The following ARHGEF10L variants were observed in gnomAD, a reference collection of about 807,000 sequenced individuals.
The protein encoded by ARHGEF10L is Rho guanine nucleotide exchange factor 10 like.
In ARHGEF10L, 69 loss-of-function variants were observed where a neutral mutation model predicts 141.2. The observed-to-expected ratio is 0.49, with a 90% CI of 0.40 to 0.60. The LOEUF (loss-of-function observed/expected upper bound fraction) is 0.60, where lower values mean the gene tolerates loss of function less well. Ranked by LOEUF, ARHGEF10L falls within the 20% of genes least tolerant of loss-of-function variation. ARHGEF10L has a pLI of 0.00. For missense variants in ARHGEF10L, 1,482 were observed against 1,734.3 expected (o/e 0.85, Z 2.58); for synonymous variants, 711 against 718.5 (o/e 0.99, Z 0.17).
upstream of ARHGEF10L, among the ~76,000 whole-genome samples, chr1:17,535,980 A>G (rs530785712): frequency 1.4e-4 from 22 of 152,302 alleles, no homozygotes; most frequent in East Asian, 4.3e-3. Flanking sequence ...GGGCACACTG[A>G]CCAGGGAATG....
At position 17,623,175 on chromosome 1, in the gene ARHGEF10L, G is replaced by A. The variant is rs538673823; in HGVS notation, c.1200G>A (p.Ser400=). 31 of 1,610,934 alleles carry A rather than the reference G, an allele frequency of 1.9e-5. No individual in the cohort carries two copies. Among genetic ancestry groups the A allele is most frequent in the South Asian group, 5.5e-5 (5 of 90,982 alleles). Residue 400 remains serine (S), a splice_region_variant and synonymous_variant, in exon 12 of 29, where the codon TCG becomes TCA. Transcript: ENST00000361221. This position sits in a 1 kb window ranked among gnomAD's most constrained non-coding sequence, Gnocchi z 4.7. The part of the protein sequence containing the change: ...TEKIGDLFVA[S]FSKSMVLDVY... ...AGATCGGGGACCTCTTCGTGGCCTC[G>A]GTAAGTGTCCCCAAACTTTTTCCCC...
intron 14 of ARHGEF10L, among the ~76,000 whole-genome samples, chr1:17,626,969 C>T (rs2060421463): frequency 6.6e-6 from 1 of 152,248 alleles, no homozygotes; most frequent in South Asian, 2.1e-4. Context: ...GAATAATACG[C>T]CATTGTATGG....
the ARHGEF10L span, among the ~76,000 whole-genome samples, chr1:17,523,732 A>G: frequency 6.6e-6 from 1 of 152,172 alleles, no homozygotes; most frequent in Non-Finnish European, 1.5e-5. Context: ...CTTTTGAGCC[A>G]TGGGTTCTAG....
At chr1:17,676,540 A>G (rs1462875406) in intron 26 of ARHGEF10L, among the ~76,000 whole-genome samples, 1 of 151,952 alleles carries the variant, frequency 6.6e-6, no homozygotes, top group East Asian at 1.9e-4. Flanking sequence ...TGGCTCCCCT[A>G]TGCAGAGCTC....
At position 17,588,459 on chromosome 1, in the gene ARHGEF10L, A is replaced by C. The variant is rs773674715; in HGVS notation, c.237A>C (p.Ala79=). ...DSIPVTDPDP[A]AAPPGTGVPA... ...CTTCTTTTGCAGACCCAGACCCAGC[A>C]GCTGCTCCACCCGGCACAGGGTAAG... Residue 79 remains alanine (A), a synonymous_variant, in exon 4 of 29, where the codon GCA becomes GCC. Transcript: ENST00000361221. 1 of 1,613,990 alleles carries C rather than the reference A, an allele frequency of 6.2e-7. No individual in the cohort carries two copies. Among genetic ancestry groups the C allele is most frequent in the Non-Finnish European group, 8.5e-7 (1 of 1,179,950 alleles).
chr1:17,639,750 C>G lies in ARHGEF10L; in HGVS notation c.2172-452C>G. ...TTCATTTCTTCATTCATTCCTGTGT[C>G]CACTCAGCAAACATTTACTGAGCAA... is the stretch of plus-strand genomic sequence containing the variant. On this transcript the variant is annotated intron_variant, in intron 20 of 28. Transcript: ENST00000361221. The surrounding 1 kb of genome is among the most constrained non-coding windows in gnomAD (Gnocchi z 4.3). 1.2e-6 allele frequency: 1 copy of G among 843,158 alleles called. No individual in the cohort carries two copies. The allele number at this position is 843,158 out of a possible 1,614,324, so 52.2% of individuals were successfully genotyped here.
rs368999747 is a variant in ARHGEF10L at position 17,553,627 on chromosome 1, C to CA, written c.-44+13683dup. Reference sequence around the variant, plus strand: ...TGAGACCCCATCTTTAAAAAAAAGCCAAAAAACAAAAATTAGCCAGGCATG... The same window carrying CA: ...TGAGACCCCATCTTTAAAAAAAAGCCAAAAAAACAAAAATTAGCCAGGCATG... On this transcript the variant is annotated intron_variant, in intron 1 of 28. Transcript: ENST00000361221. Among the ~76,000 whole-genome samples, 215 of 151,624 alleles carry CA rather than the reference C, an allele frequency of 1.4e-3. 1 individual carries two copies. Among genetic ancestry groups the CA allele is most frequent in the Non-Finnish European group, 2.4e-3 (162 of 67,878 alleles).
At position 17,558,945 on chromosome 1, in the gene ARHGEF10L, T is replaced by C. The variant is rs1290262609; in HGVS notation, c.-44+18995T>C. Reference sequence around the variant, plus strand: ...GCTTTCAGCTCTTTTCTTGTGTAGATTGGAGCCTTTGCATTCATGAAAGCT... The same window carrying C: ...GCTTTCAGCTCTTTTCTTGTGTAGACTGGAGCCTTTGCATTCATGAAAGCT... On this transcript the variant is annotated intron_variant, in intron 1 of 28. Coordinates refer to ENST00000361221, the MANE Select transcript of ARHGEF10L (RefSeq NM_018125.4). The surrounding 1 kb of genome is among the most constrained non-coding windows in gnomAD (Gnocchi z 4.2). Among the ~76,000 whole-genome samples, 1 of 152,110 alleles carries C rather than the reference T, an allele frequency of 6.6e-6. No homozygotes were observed. The highest frequency in any genetic ancestry group is 1.9e-4 in the East Asian group (1 of 5,174).
chr1:17,572,798 T>C lies in ARHGEF10L; in HGVS notation c.-43-7755T>C, dbSNP rs530015143. On this transcript the variant is annotated intron_variant, in intron 1 of 28. Transcript: ENST00000361221. ...GAGTGGGGAAGGATGAGTGGCTTAC[T>C]TTGTGAAAGGTGGAGGAGGTGAGCC... 1.3e-3 allele frequency among the ~76,000 whole-genome samples: 195 copies of C among 152,236 alleles called. 1 individual carries two copies. The highest frequency in any genetic ancestry group is 1.7e-3 in the Non-Finnish European group (113 of 68,008).
the ARHGEF10L span, among the ~76,000 whole-genome samples, chr1:17,520,935 C>T: frequency 6.6e-6 from 1 of 152,198 alleles, no homozygotes; most frequent in Non-Finnish European, 1.5e-5. Flanking sequence ...CTGGCTGACT[C>T]CCCGCCCAGG....
At chr1:17,659,029 GGGCGT>G (rs2062447469) in intron 25 of ARHGEF10L, among the ~76,000 whole-genome samples, 1 of 152,172 alleles carries the variant, frequency 6.6e-6, no homozygotes, top group Non-Finnish European at 1.5e-5. Context: ...AAGTGGCACT[GGGCGT>G]GACCCGGGGG....
the ARHGEF10L span, among the ~76,000 whole-genome samples, chr1:17,517,925 A>T: frequency 3.9e-5 from 6 of 152,284 alleles, 1 homozygote; most frequent in South Asian, 1.2e-3. Flanking sequence ...GCCTCCCAAA[A>T]GTGTTGGAAT....
In ARHGEF10L at chr1:17,666,900, C is replaced by T. The variant is rs188488691; in HGVS notation, c.3009+2305C>T. On this transcript the variant is annotated intron_variant, in intron 26 of 28. Coordinates refer to ENST00000361221, the MANE Select transcript of ARHGEF10L (RefSeq NM_018125.4). The stretch of plus-strand genomic sequence containing the variant: ...ATCTCTTTCCTCCAAGGGCCTTGCA[C>T]TTCCTTGGCCTTCTGAGAGGAAGGT... Among the ~76,000 whole-genome samples the T allele has an allele frequency of 2.1e-3, 310 of 149,976 alleles. 1 individual carries two copies. Among genetic ancestry groups the T allele is most frequent in the African/African-American group, 7.3e-3 (299 of 41,008 alleles).
intron 10 of ARHGEF10L, among the ~76,000 whole-genome samples, chr1:17,620,205 CAAAA>C (rs71575849): frequency 2.6e-5 from 3 of 117,474 alleles, no homozygotes; most frequent in African/African-American, 3.4e-5. Context: ...GACTCTGTCT[CAAAA>C]AAAAAAAAAA....
At chr1:17,575,542 G>A (rs2078185081) in intron 1 of ARHGEF10L, among the ~76,000 whole-genome samples, 1 of 152,250 alleles carries the variant, frequency 6.6e-6, no homozygotes, top group African/African-American at 2.4e-5. Context: ...AAAGCCATTC[G>A]TGAGAGCCAG....
chr1:17,554,343 G>A (rs937495431), intron 1 of ARHGEF10L, among the ~76,000 whole-genome samples: 1 of 152,112 alleles, frequency 6.6e-6, no homozygotes. Flanking sequence ...ACAGAGAAGG[G>A]GACTTGGGAG....
At chr1:17,608,714 G>A (rs2081398630) in intron 7 of ARHGEF10L, among the ~76,000 whole-genome samples, 1 of 152,074 alleles carries the variant, frequency 6.6e-6, no homozygotes, top group Non-Finnish European at 1.5e-5. Flanking sequence ...CAGTTTCATG[G>A]GGACAGCTTC....
chr1:17,648,581 G>C lies in ARHGEF10L; in HGVS notation c.2300G>C (p.Cys767Ser), dbSNP rs1305209865. The C allele has an allele frequency of 6.2e-7, 1 of 1,613,780 alleles. No homozygotes were observed. The highest frequency in any genetic ancestry group is 8.5e-7 in the Non-Finnish European group (1 of 1,180,022). Residue 767 changes from cysteine to serine, a missense_variant, in exon 22 of 29, where the codon TGC becomes TCC. This residue lies in a region of ARHGEF10L where 858 missense variants were observed against 966.3 expected (regional missense o/e 0.89). Transcript: ENST00000361221. ...GAGGAGAACCAGCCAGGCTGGCTAT[G>C]CCCGGATGAGGACAAGAAGAGCAAA... is the stretch of plus-strand genomic sequence containing the variant. ...LREENQPGWL[C>S]PDEDKKSKAP...
chr1:17,619,260 G>T lies in ARHGEF10L; in HGVS notation c.836-79G>T. 1 of 1,414,274 alleles carries T rather than the reference G, an allele frequency of 7.1e-7. No homozygotes were observed. The highest frequency in any genetic ancestry group is 9.8e-7 in the Non-Finnish European group (1 of 1,017,262). The allele number at this position is 1,414,274 out of a possible 1,614,324, so 87.6% of individuals were successfully genotyped here. The stretch of plus-strand genomic sequence containing the variant: ...GACCTGGGTCCAAGGCTGGTCTAGG[G>T]GGGCTCTCAGCTCCTGAGGCCTGAG... On this transcript the variant is annotated intron_variant, in intron 9 of 28. Coordinates refer to ENST00000361221, the MANE Select transcript of ARHGEF10L (RefSeq NM_018125.4). This position sits in a 1 kb window ranked among gnomAD's most constrained non-coding sequence, Gnocchi z 5.0.
Sources: allele counts gnomAD v4.1 joint callset (sites outside exome capture counted in the v4.1 genomes callset), GRCh38; gene constraint gnomAD v4.1.1; regional missense constraint gnomAD v4.1.1; non-coding constraint Gnocchi (gnomAD v3.1); transcripts MANE v1.5; gene names NCBI Gene and HGNC (gene_info 2026-07-23, HGNC 2026-07-21).